The following PTPN13 variants were observed in gnomAD, a reference collection of about 807,000 sequenced individuals.
PTPN13 encodes the protein tyrosine-protein phosphatase non-receptor type 13.
PTPN13 carries 191 observed loss-of-function variants against 284.0 expected under a neutral mutation model. That is an observed-to-expected ratio of 0.67 (90% CI 0.60 to 0.76). The LOEUF is 0.76. Ranked by LOEUF, PTPN13 falls within the 30% of genes least tolerant of loss-of-function variation. The pLI is 0.00. For synonymous variants in PTPN13, 986 were observed against 1,022.3 expected (o/e 0.96, Z 0.68); for missense variants, 2,797 against 2,939.9 (o/e 0.95, Z 1.12).
At chr4:86,702,067 T>C (rs1731225272) in intron 7 of PTPN13, among the ~76,000 whole-genome samples, 1 of 152,202 alleles carries the variant, frequency 6.6e-6, no homozygotes, top group African/African-American at 2.4e-5. Flanking sequence ...TATTTTTAGA[T>C]TGTAAGCTTC....
At position 86,780,325 on chromosome 4, in the gene PTPN13, A is replaced by G. The variant is rs537430990; in HGVS notation, c.5892-77A>G. The G allele has an allele frequency of 6.9e-5, 83 of 1,209,976 alleles. No homozygotes were observed. In the East Asian group the frequency reaches 2.1e-3, roughly 30 times the overall value. 75.0% of individuals were successfully genotyped at this position (1,209,976 alleles called of 1,614,324 possible). On this transcript the variant is annotated intron_variant, in intron 35 of 47. Transcript: ENST00000411767. The stretch of plus-strand genomic sequence containing the variant: ...TGAGGTGGGAGCATTGCTTGAGGCC[A>G]GGAGGATTGCTTGGGCCTGGGAGGT...
chr4:86,729,449 C>A (rs1734692788), intron 10 of PTPN13, among the ~76,000 whole-genome samples: 1 of 149,610 alleles, frequency 6.7e-6, no homozygotes, highest in Non-Finnish European at 1.5e-5. Context: ...CAACTTGATT[C>A]CATTTTCCCT....
At chr4:86,747,456 A>G (rs10023163) in intron 17 of PTPN13, among the ~76,000 whole-genome samples, 12,380 of 152,210 alleles carry the variant, frequency 0.081, 641 homozygotes, top group Non-Finnish European at 0.11. Context: ...CATCACCATC[A>G]TCAACAATGT....
At chr4:86,714,395 CAT>C (rs1269793292) in intron 7 of PTPN13, among the ~76,000 whole-genome samples, 1 of 152,100 alleles carries the variant, frequency 6.6e-6, no homozygotes, top group African/African-American at 2.4e-5. Flanking sequence ...ACTCGTCCCA[CAT>C]GTGTTCTTTT....
Position 86,635,278 on chromosome 4 carries a change from G to C in PTPN13, c.22G>C (p.Ala8Pro), listed in dbSNP as rs1424923777. The change falls in exon 2 of 48, where the codon GCC becomes CCC. Residue 8 changes from alanine to proline, a missense_variant. Ala to Pro is a conservative substitution (Grantham distance 27, BLOSUM62 -1). Coordinates refer to ENST00000411767, the MANE Select transcript of PTPN13 (RefSeq NM_080683.3). Reference sequence around the variant, plus strand: ...TAATATGCACGTGTCACTAGCTGAGGCCCTGGAGGTTCGGGGTGGACCACT... The same window carrying C: ...TAATATGCACGTGTCACTAGCTGAGCCCCTGGAGGTTCGGGGTGGACCACT... The part of the protein sequence containing the change: MHVSLAE[A>P]LEVRGGPLQE... 5.0e-6 allele frequency: 8 copies of C among 1,605,048 alleles called. No individual in the cohort carries two copies. The South Asian group carries it at 9.0e-5, about 18-fold the overall frequency.
intron 7 of PTPN13, among the ~76,000 whole-genome samples, chr4:86,710,568 T>G (rs1732276875): frequency 6.6e-6 from 1 of 152,230 alleles, no homozygotes; most frequent in African/African-American, 2.4e-5. Context: ...TAAAGTATAG[T>G]GTACATGGTC....
chr4:86,750,952 G>C (rs1198156868), intron 18 of PTPN13, 65 bp downstream of exon 18: 2 of 1,567,906 alleles, frequency 1.3e-6, no homozygotes, highest in Non-Finnish European at 8.7e-7. Context: ...GTTTCTTTTT[G>C]TTATGACATT....
chr4:86,776,094 C>G (rs531473314), intron 35 of PTPN13, among the ~76,000 whole-genome samples: 1 of 152,074 alleles, frequency 6.6e-6, no homozygotes, highest in East Asian at 1.9e-4. Context: ...TACAGGCACC[C>G]GCCACCACGC....
chr4:86,808,024 A>C (rs1295991875), intron 45 of PTPN13, 127 bp downstream of exon 45: 1 of 772,328 alleles, frequency 1.3e-6, no homozygotes, highest in Admixed American at 3.1e-5. Context: ...GTTCCCATGC[A>C]ATGGAACTAA....
intron 10 of PTPN13, among the ~76,000 whole-genome samples, chr4:86,726,268 G>A (rs1028903201): frequency 6.7e-6 from 1 of 149,424 alleles, no homozygotes; most frequent in Non-Finnish European, 1.5e-5. Flanking sequence ...CTCCAGCTTT[G>A]CTCTTTTTGC....
chr4:86,796,985 T>C, intron 41 of PTPN13, 56 bp downstream of exon 41: 2 of 1,046,290 alleles, frequency 1.9e-6, no homozygotes, highest in Non-Finnish European at 2.8e-6. Context: ...ATAAATGCTC[T>C]GAAGATTTCC....
At position 86,756,655 on chromosome 4, in the gene PTPN13, G is replaced by T. The variant is rs144702442; in HGVS notation, c.3224-1605G>T. Among the ~76,000 whole-genome samples the T allele has an allele frequency of 1.6e-3, 240 of 152,150 alleles. 3 individuals are homozygous for T. Among genetic ancestry groups the T allele is most frequent in the African/African-American group, 5.6e-3 (231 of 41,536 alleles). Reference sequence around the variant, plus strand: ...TCACTCCTGAGAGGAAATTATTGTTGTTATTGTCTTTTGAAATTAAAGGAA... The same window carrying T: ...TCACTCCTGAGAGGAAATTATTGTTTTTATTGTCTTTTGAAATTAAAGGAA... On this transcript the variant is annotated intron_variant, in intron 20 of 47. Transcript: ENST00000411767.
At chr4:86,640,997 T>C (rs901920986) in intron 2 of PTPN13, among the ~76,000 whole-genome samples, 2 of 152,178 alleles carry the variant, frequency 1.3e-5, no homozygotes, top group African/African-American at 4.8e-5. Context: ...TGATTGCTAA[T>C]TGGAAATTTC....
chr4:86,710,346 T>C (rs537903993), intron 7 of PTPN13, among the ~76,000 whole-genome samples: 1 of 152,316 alleles, frequency 6.6e-6, no homozygotes, highest in Admixed American at 6.5e-5. Flanking sequence ...TTAATTCTTG[T>C]TGCAATTGGC....
chr4:86,783,486 G>A (rs1741562584), intron 37 of PTPN13, among the ~76,000 whole-genome samples: 1 of 152,026 alleles, frequency 6.6e-6, no homozygotes, highest in Non-Finnish European at 1.5e-5. Flanking sequence ...TAGAAACCAG[G>A]ACTTTTGCTG....
chr4:86,658,552 A>G (rs1263478622), intron 2 of PTPN13, among the ~76,000 whole-genome samples: 2 of 152,142 alleles, frequency 1.3e-5, no homozygotes, highest in Non-Finnish European at 2.9e-5. Flanking sequence ...TATTTTTAAA[A>G]ACTTCTGTTT....
Position 86,722,397 on chromosome 4 carries a change from T to C in PTPN13, c.1571T>C (p.Ile524Thr). ...LDITRDPLRE[I>T]ALETAMTQRK... ...ATCACCAGGGATCCGTTAAGAGAAA[T>C]TGCCCTAGAAACAGCCATGACTCAA... The change falls in exon 10 of 48, where the codon ATT becomes ACT. Residue 524 changes from isoleucine to threonine, a missense_variant. Coordinates refer to ENST00000411767, the MANE Select transcript of PTPN13 (RefSeq NM_080683.3). The C allele has an allele frequency of 1.9e-6, 3 of 1,613,552 alleles. No individual in the cohort carries two copies. The highest frequency in any genetic ancestry group is 2.5e-6 in the Non-Finnish European group (3 of 1,179,734).
intron 1 of PTPN13, among the ~76,000 whole-genome samples, chr4:86,620,287 T>C (rs555248549): frequency 6.6e-6 from 1 of 152,264 alleles, no homozygotes; most frequent in Admixed American, 6.5e-5. Flanking sequence ...CACCACAGCC[T>C]CCCAGGTAGC....
chr4:86,681,689 A>T (rs2148929050), intron 3 of PTPN13, among the ~76,000 whole-genome samples: 1 of 152,308 alleles, frequency 6.6e-6, no homozygotes, highest in Middle Eastern at 3.4e-3. Flanking sequence ...GCACTTTGGG[A>T]GACCAAGGCA....
Sources: gnomAD v4.1 joint callset for allele counts (sites outside exome capture counted in the v4.1 genomes callset) on GRCh38, gnomAD v4.1.1 for gene constraint, MANE v1.5 for transcripts, NCBI Gene and HGNC (gene_info 2026-07-23, HGNC 2026-07-21) for gene names.